The following NUBPL variants were observed in gnomAD, a reference collection of about 807,000 sequenced individuals.
NUBPL encodes the protein NUBP iron-sulfur cluster assembly factor, mitochondrial, also known as iron-sulfur cluster transfer protein NUBPL.
In NUBPL, 31 loss-of-function variants were observed where a neutral mutation model predicts 45.7. The observed-to-expected ratio is 0.68, with a 90% CI of 0.51 to 0.92. The LOEUF (loss-of-function observed/expected upper bound fraction) is 0.92, where lower values mean the gene tolerates loss of function less well. NUBPL is among the 40% of genes least tolerant of loss of function. NUBPL has a pLI of 0.00. For synonymous variants in NUBPL, 144 were observed against 140.9 expected (o/e 1.02, Z -0.15); for missense variants, 401 against 398.7 (o/e 1.01, Z -0.05).
chr14:31,756,349 A>G (rs982257739), intron 6 of NUBPL, among the ~76,000 whole-genome samples: 10 of 151,948 alleles, frequency 6.6e-5, no homozygotes, highest in Non-Finnish European at 1.3e-4. Flanking sequence ...ATGTTCTTCC[A>G]TTTGTTTGTA....
At chr14:31,856,339 T>TC (rs1270535124) in intron 10 of NUBPL, among the ~76,000 whole-genome samples, 7 of 152,080 alleles carry the variant, frequency 4.6e-5, no homozygotes, top group Non-Finnish European at 1.0e-4. Flanking sequence ...ACCAGGTTCT[T>TC]CCCATGACAC....
intron 4 of NUBPL, among the ~76,000 whole-genome samples, chr14:31,658,072 A>C (rs1276342850): frequency 6.6e-6 from 1 of 152,238 alleles, no homozygotes; most frequent in Non-Finnish European, 1.5e-5. Context: ...TATTAATTAC[A>C]GAGTAACTTG....
chr14:31,811,260 A>C (rs547336092), intron 7 of NUBPL, among the ~76,000 whole-genome samples: 6 of 152,288 alleles, frequency 3.9e-5, no homozygotes, highest in Non-Finnish European at 5.9e-5. Context: ...TACACCAATT[A>C]CATGTAGACT....
intron 3 of NUBPL, among the ~76,000 whole-genome samples, chr14:31,584,816 G>A (rs747235084): frequency 2.0e-5 from 3 of 152,200 alleles, no homozygotes; most frequent in Non-Finnish European, 4.4e-5. Flanking sequence ...CAGATCCAAT[G>A]TCTGGTTGAG....
intron 4 of NUBPL, among the ~76,000 whole-genome samples, chr14:31,609,732 C>A (rs2034701262): frequency 6.6e-6 from 1 of 151,974 alleles, no homozygotes; most frequent in Non-Finnish European, 1.5e-5. Context: ...CTTCTCTGAC[C>A]ACAATGGAAT....
chr14:31,705,613 T>C (rs1023008886), intron 6 of NUBPL, among the ~76,000 whole-genome samples: 1 of 152,066 alleles, frequency 6.6e-6, no homozygotes, highest in South Asian at 2.1e-4. Flanking sequence ...CACAGAGTGC[T>C]GATTGGTGCG....
chr14:31,764,282 T>C (rs531064422), intron 6 of NUBPL, among the ~76,000 whole-genome samples: 3 of 152,308 alleles, frequency 2.0e-5, no homozygotes, highest in African/African-American at 7.2e-5. Context: ...GTAATATTAG[T>C]TTCAGTTTTA....
intron 4 of NUBPL, among the ~76,000 whole-genome samples, chr14:31,602,231 G>C (rs1334138305): frequency 2.0e-5 from 3 of 151,728 alleles, no homozygotes; most frequent in Admixed American, 1.3e-4. Flanking sequence ...ACACTCTGGG[G>C]ACTGTTGTGG....
chr14:31,640,168 C>A (rs1208817705), intron 4 of NUBPL, among the ~76,000 whole-genome samples: 1 of 152,212 alleles, frequency 6.6e-6, no homozygotes, highest in Non-Finnish European at 1.5e-5. Context: ...AATCACCTGT[C>A]TTCTGCATCG....
At chr14:31,612,615 C>T (rs779251733) in intron 4 of NUBPL, among the ~76,000 whole-genome samples, 5 of 151,240 alleles carry the variant, frequency 3.3e-5, no homozygotes, top group Non-Finnish European at 5.9e-5. Flanking sequence ...GAGCCAAGAT[C>T]GTGCCACTGC....
intron 6 of NUBPL, among the ~76,000 whole-genome samples, chr14:31,746,031 C>A (rs982291931): frequency 6.6e-6 from 1 of 152,008 alleles, no homozygotes; most frequent in African/African-American, 2.4e-5. Context: ...CCTCACCCCG[C>A]TCAGCTGAAA....
At chr14:31,674,808 A>G (rs948011483) in intron 6 of NUBPL, among the ~76,000 whole-genome samples, 7 of 152,140 alleles carry the variant, frequency 4.6e-5, no homozygotes, top group African/African-American at 1.7e-4. Flanking sequence ...AGATTTGGCA[A>G]AAACAAGCTC....
At chr14:31,689,951 A>G (rs1257720588) in intron 6 of NUBPL, among the ~76,000 whole-genome samples, 3 of 148,272 alleles carry the variant, frequency 2.0e-5, no homozygotes, top group African/African-American at 7.5e-5. Flanking sequence ...TTTTGTCAGC[A>G]TTGTTAAAGA....
At chr14:31,827,243 C>T (rs79603001) in intron 8 of NUBPL, among the ~76,000 whole-genome samples, 5 of 151,688 alleles carry the variant, frequency 3.3e-5, no homozygotes, top group African/African-American at 1.2e-4. Flanking sequence ...AACAAATTGC[C>T]TGCTATTAAG....
chr14:31,812,016 G>A (rs1219757667), intron 7 of NUBPL, among the ~76,000 whole-genome samples: 2 of 152,158 alleles, frequency 1.3e-5, no homozygotes, highest in East Asian at 1.9e-4. Context: ...TGGAAGCTTC[G>A]TCTCAGAGGG....
rs1376199921 is a variant in NUBPL at position 31,616,064 on chromosome 14, CAT to C, written c.382+16688_382+16689del. On this transcript the variant is annotated intron_variant, in intron 4 of 10. Transcript: ENST00000281081. ...TGACCAGTGATGATGAGATTTTTTT[CAT>C]ATGTTTGTTGGCCACATGAATGTCT... Among the ~76,000 whole-genome samples, 7 of 152,224 alleles carry C rather than the reference CAT, an allele frequency of 4.6e-5. No homozygotes were observed. In the East Asian group the frequency reaches 7.7e-4, roughly 17 times the overall value.
chr14:31,816,082 A>G (rs529801576), intron 7 of NUBPL, among the ~76,000 whole-genome samples: 55 of 152,124 alleles, frequency 3.6e-4, no homozygotes, highest in Non-Finnish European at 5.1e-4. Context: ...CTCTTTTTCA[A>G]TTGTTTGGAA....
chr14:31,824,739 A>C (rs1023431690), intron 7 of NUBPL, among the ~76,000 whole-genome samples: 1 of 151,954 alleles, frequency 6.6e-6, no homozygotes, highest in African/African-American at 2.4e-5. Context: ...TTTGACCTTC[A>C]CTTGGTGTAA....
chr14:31,851,312 G>A (rs2139006176), intron 10 of NUBPL, among the ~76,000 whole-genome samples: 1 of 146,694 alleles, frequency 6.8e-6, no homozygotes, highest in East Asian at 2.0e-4. Context: ...CATAACTGCT[G>A]TTCTTTATAT....
Sources: allele counts gnomAD v4.1 joint callset (sites outside exome capture counted in the v4.1 genomes callset), GRCh38; gene constraint gnomAD v4.1.1; transcripts MANE v1.5; gene names NCBI Gene and HGNC (gene_info 2026-07-23, HGNC 2026-07-21).